DYRK4: variants seen among roughly 807,000 people sequenced by gnomAD.
DYRK4 encodes dual specificity tyrosine-phosphorylation-regulated kinase 4.
A neutral mutation model predicts 68.3 loss-of-function variants in DYRK4; 64 were observed. The observed-to-expected ratio is 0.94, with a 90% CI of 0.77 to 1.15. DYRK4 has a LOEUF of 1.15. DYRK4 is among the 50% of genes most tolerant of loss of function. The pLI, the probability that DYRK4 is intolerant of heterozygous loss-of-function variation, is 0.00. For synonymous variants in DYRK4, 274 were observed against 289.9 expected (o/e 0.95, Z 0.56); for missense variants, 740 against 764.7 (o/e 0.97, Z 0.38).
At chr12:4,577,988 G>A (rs145671866) in intron 2 of DYRK4, among the ~76,000 whole-genome samples, 1 of 152,218 alleles carries the variant, frequency 6.6e-6, no homozygotes, top group African/African-American at 2.4e-5. Context: ...CTTTTATCCT[G>A]CAGCTTTTAT....
rs1945203299 is a variant in DYRK4, at chr12:4,610,205, T to TA, written c.1412dup (p.Tyr471Ter). ...AACCAACAACAGGGGGAAAAAAAGA[T>TA]ACCCAGATTCCAAGGACCTCACGAT... The part of the protein sequence containing the change: ...NITNNRGKKR[Y>*]PDSKDLTMVL... Residue 471 changes from tyrosine to a stop codon, truncating the protein, a stop_gained and frameshift_variant, in exon 13 of 15, where the codon TAC becomes TAAC. Transcript: ENST00000543431. LOFTEE classifies it high-confidence loss of function. The TA allele has an allele frequency of 1.9e-6, 3 of 1,603,008 alleles. No individual in the cohort carries two copies. The highest frequency in any genetic ancestry group is 2.7e-5 in the African/African-American group (2 of 74,472).
chr12:4,575,339 C>T (rs1315044934), intron 2 of DYRK4, among the ~76,000 whole-genome samples: 1 of 67,370 alleles, frequency 1.5e-5, no homozygotes, highest in African/African-American at 5.6e-5. Flanking sequence ...AACGGAGTCT[C>T]GCTCTATTGC....
intron 2 of DYRK4, among the ~76,000 whole-genome samples, chr12:4,585,741 A>G (rs1182662217): frequency 1.3e-5 from 2 of 152,266 alleles, no homozygotes; most frequent in African/African-American, 4.8e-5. Flanking sequence ...ACAAACCTGC[A>G]CGTTGTGCAC....
chr12:4,605,717 G>A (rs1216325053), intron 11 of DYRK4, among the ~76,000 whole-genome samples: 1 of 128,746 alleles, frequency 7.8e-6, no homozygotes, highest in Non-Finnish European at 1.6e-5. Context: ...TTAGAAAAAT[G>A]AATAGAGCTG....
rs113194111 is a variant in DYRK4, at chr12:4,599,842, C to G, written c.1126+54C>G. 5.4e-5 allele frequency: 80 copies of G among 1,489,018 alleles called. No homozygotes were observed. In the African/African-American group the frequency reaches 7.6e-4, roughly 14 times the overall value. 92.2% of individuals were successfully genotyped at this position (1,489,018 alleles called of 1,614,324 possible). ...AGTTTTCCTATTGCAATTTCTCTCC[C>G]TTCACATACAAGGTCACCTGCCTTC... On this transcript the variant is annotated intron_variant, in intron 10 of 14. Coordinates refer to ENST00000543431, the MANE Select transcript of DYRK4 (RefSeq NM_001394779.1).
At chr12:4,607,278 G>C (rs746186342) in intron 11 of DYRK4, 49 bp from the exon 12 acceptor site, 3 of 1,611,570 alleles carry the variant, frequency 1.9e-6, no homozygotes, top group Non-Finnish European at 1.7e-6. Flanking sequence ...CTCAGCCTTT[G>C]AATCTGTGCT....
intron 6 of DYRK4, among the ~76,000 whole-genome samples, chr12:4,593,722 A>G (rs987818232): frequency 6.6e-6 from 1 of 152,122 alleles, no homozygotes; most frequent in Non-Finnish European, 1.5e-5. Context: ...GCCTCTTCCC[A>G]GCCTTAAGGT....
At chr12:4,587,339 G>A (rs765741923) in intron 2 of DYRK4, among the ~76,000 whole-genome samples, 1 of 152,090 alleles carries the variant, frequency 6.6e-6, no homozygotes. Context: ...TCAGAAGAGC[G>A]CCCCCTCTAC....
At chr12:4,592,908 T>TG in intron 5 of DYRK4, 94 bp from the exon 6 acceptor site, 1 of 1,491,486 alleles carries the variant, frequency 6.7e-7, no homozygotes, top group South Asian at 1.3e-5. Flanking sequence ...AACAGGCTGA[T>TG]GGCTCGTGAC....
At chr12:4,605,728 G>GTTTTTTTTTTTTTTTTTTTTTTTTTTTTT (rs780888385) in intron 11 of DYRK4, among the ~76,000 whole-genome samples, 1 of 68,938 alleles carries the variant, frequency 1.5e-5, no homozygotes. Context: ...AATAGAGCTG[G>GTTTTTTTTTTTTTTTTTTTTTTTTTTTTT]GTTTTTTTTT....
Position 4,596,696 on chromosome 12 carries a change from G to A in DYRK4, c.872G>A (p.Arg291His), listed in dbSNP as rs753404187. Residue 291 changes from arginine (R) to histidine (H), a missense_variant, in exon 8 of 15, where the codon CGC (arginine) becomes CAC (histidine). Coordinates refer to ENST00000543431, the MANE Select transcript of DYRK4 (RefSeq NM_001394779.1). ...VVHMKDFFYFRNHFCITFELL... is the reference protein window; with the variant it reads ...VVHMKDFFYFHNHFCITFELL... Reference sequence around the variant, plus strand: ...CATATGAAGGACTTTTTCTACTTTCGCAATCACTTCTGCATCACCTTTGAG... The same window carrying A: ...CATATGAAGGACTTTTTCTACTTTCACAATCACTTCTGCATCACCTTTGAG... 1.4e-5 allele frequency: 23 copies of A among 1,613,984 alleles called. No homozygotes were observed. The East Asian group carries it at 1.6e-4, about 11-fold the overall frequency.
chr12:4,573,613 GC>G (rs946515987), intron 2 of DYRK4, among the ~76,000 whole-genome samples: 12 of 152,256 alleles, frequency 7.9e-5, no homozygotes, highest in African/African-American at 2.9e-4. Flanking sequence ...TATTCGGAAT[GC>G]AATCCCTGCC....
At chr12:4,563,872 T>C (rs1944652476) in intron 1 of DYRK4, among the ~76,000 whole-genome samples, 1 of 152,246 alleles carries the variant, frequency 6.6e-6, no homozygotes, top group African/African-American at 2.4e-5. Flanking sequence ...ATATAGTTTA[T>C]TCTTCCAAGA....
intron 10 of DYRK4, chr12:4,601,954 T>C (rs1945086473): frequency 3.4e-6 from 1 of 290,482 alleles, no homozygotes; most frequent in African/African-American, 2.3e-5. Flanking sequence ...CTTGAAAAAA[T>C]GAATTGATCA....
intron 5 of DYRK4, 27 bp from the exon 6 acceptor site, chr12:4,592,975 C>A (rs1324448416): frequency 6.2e-7 from 1 of 1,602,342 alleles, no homozygotes; most frequent in South Asian, 1.1e-5. Flanking sequence ...CTCAACTGAA[C>A]TCACAATTGT....
At chr12:4,581,094 AG>A in intron 2 of DYRK4, 1 of 295,646 alleles carries the variant, frequency 3.4e-6, no homozygotes, top group East Asian at 8.2e-5. Context: ...TTGGTGTGAG[AG>A]GGCAGGACAT....
rs115038996 is a variant in DYRK4, at chr12:4,609,127, A to T, written c.1361-1028A>T. Among the ~76,000 whole-genome samples the T allele has an allele frequency of 9.1e-4, 139 of 152,310 alleles. 1 individual carries two copies. Among genetic ancestry groups the T allele is most frequent in the African/African-American group, 3.1e-3 (130 of 41,568 alleles). ...CTAAAGACATAGGCATGTCTACTTC[A>T]TAGAGTTCCTTATTTCTACCATCAG... On this transcript the variant is annotated intron_variant, in intron 12 of 14. Transcript: ENST00000543431.
At chr12:4,583,330 G>A (rs1448754510) in intron 2 of DYRK4, among the ~76,000 whole-genome samples, 1 of 151,664 alleles carries the variant, frequency 6.6e-6, no homozygotes, top group Non-Finnish European at 1.5e-5. Context: ...CTCCTGCTCT[G>A]TTTCTGCTTG....
At chr12:4,585,286 C>G (rs530978756) in intron 2 of DYRK4, among the ~76,000 whole-genome samples, 24 of 152,198 alleles carry the variant, frequency 1.6e-4, no homozygotes, top group Non-Finnish European at 3.2e-4. Flanking sequence ...GCGTAGTTTC[C>G]TTGATGCCTC....
Sources: allele counts gnomAD v4.1 joint callset (sites outside exome capture counted in the v4.1 genomes callset), GRCh38; gene constraint gnomAD v4.1.1; transcripts MANE v1.5; gene names NCBI Gene and HGNC (gene_info 2026-07-23, HGNC 2026-07-21).